OSBPL3: variants seen among roughly 807,000 people sequenced by gnomAD.
OSBPL3 encodes oxysterol binding protein like 3.
OSBPL3 carries 65 observed loss-of-function variants against 120.1 expected under a neutral mutation model. The ratio of observed to expected loss-of-function variants is 0.54; its 90% CI spans 0.44 to 0.67. The LOEUF (loss-of-function observed/expected upper bound fraction) is 0.67. OSBPL3 is among the 30% of genes least tolerant of loss of function. The pLI, the probability that OSBPL3 is intolerant of heterozygous loss-of-function variation, is 0.00. For synonymous variants in OSBPL3, 416 were observed against 402.6 expected (o/e 1.03, Z -0.40); for missense variants, 1,004 against 1,082.1 (o/e 0.93, Z 1.01).
rs766712971 is a variant in OSBPL3, at chr7:24,877,676, G to A, written c.97-5607C>T. ...CTTCGGGACATGGGACTTTAATAAT[G>A]TGTGCTGGATTAGAGTGAGTTGGCA... On this transcript the variant is annotated intron_variant, in intron 2 of 22. Coordinates refer to ENST00000313367, the MANE Select transcript of OSBPL3 (RefSeq NM_015550.4). The surrounding 1 kb of genome is among the most constrained non-coding windows in gnomAD (Gnocchi z 4.8). Among the ~76,000 whole-genome samples the A allele has an allele frequency of 2.6e-5, 4 of 152,198 alleles. No individual in the cohort carries two copies. The highest frequency in any genetic ancestry group is 4.4e-5 in the Non-Finnish European group (3 of 68,042).
Position 24,842,237 on chromosome 7 carries a change from A to G in OSBPL3, c.1401+42T>C, listed in dbSNP as rs776017878. 10 of 1,597,176 alleles carry G rather than the reference A, an allele frequency of 6.3e-6. No homozygotes were observed. In the Admixed American group the frequency reaches 1.6e-4, roughly 25 times the overall value. ...GAACAGATTAATCAGCAAAGCAACA[A>G]GAGAGATTTTTGAGGCACCATACTG... On this transcript the variant is annotated intron_variant, in intron 13 of 22. Coordinates refer to ENST00000313367, the MANE Select transcript of OSBPL3 (RefSeq NM_015550.4).
Position 24,867,842 on chromosome 7 carries a change from A to T in OSBPL3, c.382-1605T>A, listed in dbSNP as rs1379551224. 1.3e-5 allele frequency among the ~76,000 whole-genome samples: 2 copies of T among 152,230 alleles called. No individual in the cohort carries two copies. Among genetic ancestry groups the T allele is most frequent in the African/African-American group, 4.8e-5 (2 of 41,464 alleles). On this transcript the variant is annotated intron_variant, in intron 5 of 22. Coordinates refer to ENST00000313367, the MANE Select transcript of OSBPL3 (RefSeq NM_015550.4). The surrounding 1 kb of genome is among the most constrained non-coding windows in gnomAD (Gnocchi z 4.5). ...CAATAGTATTATTTTTCTAACTTTTATTACTATCACACTCACAAACCTTTA... is the reference window on the plus strand; with the variant it reads ...CAATAGTATTATTTTTCTAACTTTTTTTACTATCACACTCACAAACCTTTA...
rs17150481 is a variant in OSBPL3, at chr7:24,896,467, G to C, written c.-149-3846C>G. Among the ~76,000 whole-genome samples, 8 of 152,282 alleles carry C rather than the reference G, an allele frequency of 5.3e-5. No homozygotes were observed. Among genetic ancestry groups the C allele is most frequent in the African/African-American group, 1.9e-4 (8 of 41,542 alleles). On this transcript the variant is annotated intron_variant, in intron 1 of 22. Transcript: ENST00000313367. The surrounding 1 kb of genome is among the most constrained non-coding windows in gnomAD (Gnocchi z 4.4). ...ATAAGCTGTCCTGGGGCTTCCACTA[G>C]GAAAAGAGAACCCTGATTTCTACCC...
chr7:24,979,640 C>G (rs989404547), intron 1 of OSBPL3, among the ~76,000 whole-genome samples: 3 of 152,156 alleles, frequency 2.0e-5, no homozygotes, highest in African/African-American at 7.2e-5. Context: ...TCCTCTGAGC[C>G]GTCCCTCGAG....
intron 20 of OSBPL3, among the ~76,000 whole-genome samples, chr7:24,807,954 G>A (rs527891588): frequency 1.5e-4 from 23 of 152,236 alleles, no homozygotes; most frequent in Admixed American, 1.0e-3. Context: ...CTGGAGGACA[G>A]TGACACGATC....
rs1227462594 is a variant in OSBPL3, at chr7:24,835,642, A to G, written c.1496-906T>C. 6.6e-6 allele frequency among the ~76,000 whole-genome samples: 1 copy of G among 152,192 alleles called. No homozygotes were observed. ...TGTTTATCACAGCACTATTCCCAAC[A>G]GCAAAGACATGGAATCAATTTAAAT... On this transcript the variant is annotated intron_variant, in intron 14 of 22. Coordinates refer to ENST00000313367, the MANE Select transcript of OSBPL3 (RefSeq NM_015550.4). The surrounding 1 kb of genome is among the most constrained non-coding windows in gnomAD (Gnocchi z 4.8).
Position 24,891,366 on chromosome 7 carries a change from T to C in OSBPL3, c.96+1011A>G, listed in dbSNP as rs1805323696. The stretch of plus-strand genomic sequence containing the variant: ...ACAGATTCATGGGTGGCAAAGCTCC[T>C]TATCCCAGGCAACGCTCAGTTGGAC... On this transcript the variant is annotated intron_variant, in intron 2 of 22. Transcript: ENST00000313367. The surrounding 1 kb of genome is among the most constrained non-coding windows in gnomAD (Gnocchi z 4.1). Among the ~76,000 whole-genome samples, 6 of 152,204 alleles carry C rather than the reference T, an allele frequency of 3.9e-5. No individual in the cohort carries two copies. The South Asian group carries it at 1.0e-3, about 26-fold the overall frequency.
Position 24,930,280 on chromosome 7 carries a change from G to C in OSBPL3, c.-149-37659C>G, listed in dbSNP as rs1811622005. ...ATATGCACTAAAATAAAAAAAATGTGCAAATAAAACATCTGGTGTTTGTAG... is the reference window on the plus strand; with the variant it reads ...ATATGCACTAAAATAAAAAAAATGTCCAAATAAAACATCTGGTGTTTGTAG... On this transcript the variant is annotated intron_variant, in intron 1 of 22. Coordinates refer to ENST00000313367, the MANE Select transcript of OSBPL3 (RefSeq NM_015550.4). The surrounding 1 kb of genome is among the most constrained non-coding windows in gnomAD (Gnocchi z 4.4). Among the ~76,000 whole-genome samples the C allele has an allele frequency of 6.6e-6, 1 of 152,054 alleles. No homozygotes were observed. Among genetic ancestry groups the C allele is most frequent in the African/African-American group, 2.4e-5 (1 of 41,410 alleles).
At position 24,932,881 on chromosome 7, in the gene OSBPL3, A is replaced by C. The variant is rs1007642368; in HGVS notation, c.-149-40260T>G. 2.6e-5 allele frequency among the ~76,000 whole-genome samples: 4 copies of C among 152,250 alleles called. No homozygotes were observed. Among genetic ancestry groups the C allele is most frequent in the African/African-American group, 9.6e-5 (4 of 41,464 alleles). ...CTAAGATCACTTTTTAAAAGAAACAAAAACTTTCAAGACTCCAACTGGTCC... is the reference window on the plus strand; with the variant it reads ...CTAAGATCACTTTTTAAAAGAAACACAAACTTTCAAGACTCCAACTGGTCC... On this transcript the variant is annotated intron_variant, in intron 1 of 22. Transcript: ENST00000313367. The surrounding 1 kb of genome is among the most constrained non-coding windows in gnomAD (Gnocchi z 5.6).
intron 1 of OSBPL3, among the ~76,000 whole-genome samples, chr7:24,934,688 GCTTA>G (rs1204334749): frequency 6.6e-6 from 1 of 152,078 alleles, no homozygotes; most frequent in Non-Finnish European, 1.5e-5. Flanking sequence ...TTGTCATACA[GCTTA>G]CTTTTGAATG....
In OSBPL3 at chr7:24,852,181, A is replaced by G. The variant is rs572455264; in HGVS notation, c.1158+323T>C. On this transcript the variant is annotated intron_variant, in intron 11 of 22. Coordinates refer to ENST00000313367, the MANE Select transcript of OSBPL3 (RefSeq NM_015550.4). The surrounding 1 kb of genome is among the most constrained non-coding windows in gnomAD (Gnocchi z 4.1). ...TTCCTCCAAACTGTCAGATTTTGTAAGCATTAACAGAAAAATGTCTGTAAG... is the reference window on the plus strand; with the variant it reads ...TTCCTCCAAACTGTCAGATTTTGTAGGCATTAACAGAAAAATGTCTGTAAG... Among the ~76,000 whole-genome samples, 1 of 152,332 alleles carries G rather than the reference A, an allele frequency of 6.6e-6. No individual in the cohort carries two copies. The highest frequency in any genetic ancestry group is 1.9e-4 in the East Asian group (1 of 5,192).
In OSBPL3 at chr7:24,979,914, C is replaced by G. The variant is rs900362626; in HGVS notation, c.-178G>C. 4.1e-6 allele frequency: 4 copies of G among 970,388 alleles called. No homozygotes were observed. The highest frequency in any genetic ancestry group is 1.8e-5 in the African/African-American group (1 of 54,988). The allele number at this position is 970,388 out of a possible 1,614,324, so 60.1% of individuals were successfully genotyped here. A position where few individuals can be genotyped will look rare whatever the true frequency, so the allele number is the denominator to read the frequency against. On this transcript the variant is annotated 5_prime_UTR_variant, in exon 1 of 23. Coordinates refer to ENST00000313367, the MANE Select transcript of OSBPL3 (RefSeq NM_015550.4). ...AGCGCTGTGCAGCCGGAGACGCTCCCTAGTTCCCCGGGGCCGGGCTCCGGG... is the reference window on the plus strand; with the variant it reads ...AGCGCTGTGCAGCCGGAGACGCTCCGTAGTTCCCCGGGGCCGGGCTCCGGG...
chr7:24,936,753 C>T lies in OSBPL3; in HGVS notation c.-150+43133G>A, dbSNP rs376695509. 1.1e-4 allele frequency among the ~76,000 whole-genome samples: 17 copies of T among 152,218 alleles called. 2 individuals are homozygous for T. The highest frequency in any genetic ancestry group is 4.6e-4 in the Admixed American group (7 of 15,296). ...GAAGGGATATGATTCTGGAAACAAT[C>T]GTGAATAACATGATAAAAGTTTGCC... On this transcript the variant is annotated intron_variant, in intron 1 of 22. Coordinates refer to ENST00000313367, the MANE Select transcript of OSBPL3 (RefSeq NM_015550.4). The surrounding 1 kb of genome is among the most constrained non-coding windows in gnomAD (Gnocchi z 4.2).
At chr7:24,828,870 T>A (rs1048683014) in intron 16 of OSBPL3, among the ~76,000 whole-genome samples, 2 of 152,262 alleles carry the variant, frequency 1.3e-5, no homozygotes, top group Admixed American at 1.3e-4. Flanking sequence ...GGTCTGTACA[T>A]CCTACACCCA....
At chr7:24,927,264 G>T (rs1811176368) in intron 1 of OSBPL3, among the ~76,000 whole-genome samples, 1 of 152,206 alleles carries the variant, frequency 6.6e-6, no homozygotes, top group South Asian at 2.1e-4. Context: ...GTGCAGTTTA[G>T]AGTTTTCTGA....
At chr7:24,801,149 G>C (rs1220138560) in intron 22 of OSBPL3, among the ~76,000 whole-genome samples, 1 of 147,962 alleles carries the variant, frequency 6.8e-6, no homozygotes, top group Non-Finnish European at 1.5e-5. Flanking sequence ...GCCGAGGCAG[G>C]AGAATCGCTT....
intron 1 of OSBPL3, among the ~76,000 whole-genome samples, chr7:24,975,436 C>G (rs2128548056): frequency 6.6e-6 from 1 of 152,260 alleles, no homozygotes; most frequent in South Asian, 2.1e-4. Flanking sequence ...TACTGTGGAT[C>G]AAAACAAATC....
At chr7:24,882,977 T>C (rs920343225) in intron 2 of OSBPL3, among the ~76,000 whole-genome samples, 58 of 152,234 alleles carry the variant, frequency 3.8e-4, no homozygotes, top group African/African-American at 1.3e-3. Context: ...TGGATATTAG[T>C]TCCCTGTTGG....
intron 1 of OSBPL3, among the ~76,000 whole-genome samples, chr7:24,935,949 T>C (rs1812360278): frequency 6.6e-6 from 1 of 152,060 alleles, no homozygotes; most frequent in Non-Finnish European, 1.5e-5. Context: ...TAGTTACATA[T>C]GTATACATGT....
Sources: allele counts gnomAD v4.1 joint callset (sites outside exome capture counted in the v4.1 genomes callset), GRCh38; gene constraint gnomAD v4.1.1; non-coding constraint Gnocchi (gnomAD v3.1); transcripts MANE v1.5; gene names NCBI Gene and HGNC (gene_info 2026-07-23, HGNC 2026-07-21).